SPRED2: variants seen among roughly 807,000 people sequenced by gnomAD.
The protein encoded by SPRED2 is sprouty related EVH1 domain containing 2.
SPRED2 carries 47 observed loss-of-function variants against 43.0 expected under a neutral mutation model. That is an observed-to-expected ratio of 1.09 (90% CI 0.87 to 1.40). SPRED2 has a LOEUF of 1.40. Ranked by LOEUF, SPRED2 falls within the 40% of genes most tolerant of loss-of-function variation. SPRED2 has a pLI of 0.00. For missense variants in SPRED2, 561 were observed against 586.4 expected (o/e 0.96, Z 0.45); for synonymous variants, 225 against 225.7 (o/e 1.00, Z 0.03).
At chr2:65,378,471 A>G (rs1337271945) in intron 1 of SPRED2, among the ~76,000 whole-genome samples, 1 of 152,198 alleles carries the variant, frequency 6.6e-6, no homozygotes, top group African/African-American at 2.4e-5. Flanking sequence ...GGGGCGGAGG[A>G]GACATGAATG....
chr2:65,397,878 G>A (rs541574329), intron 1 of SPRED2, among the ~76,000 whole-genome samples: 1 of 150,626 alleles, frequency 6.6e-6, no homozygotes, highest in South Asian at 2.1e-4. Context: ...CACAGAACTA[G>A]AAAAAAAAAT....
rs554336352 is a variant in SPRED2, at chr2:65,363,927, T to C, written c.27-19031A>G. On this transcript the variant is annotated intron_variant, in intron 1 of 5. Coordinates refer to ENST00000356388, the MANE Select transcript of SPRED2 (RefSeq NM_181784.3). ...TGGGAAAAATTGTTCCACTAAAATA[T>C]CTTGGACACTCTTAACCTTTCAGGA... Among the ~76,000 whole-genome samples, 16 of 152,300 alleles carry C rather than the reference T, an allele frequency of 1.1e-4. No homozygotes were observed. In the South Asian group the frequency reaches 3.3e-3, roughly 32 times the overall value.
At chr2:65,364,256 C>T (rs1208778975) in intron 1 of SPRED2, among the ~76,000 whole-genome samples, 1 of 152,176 alleles carries the variant, frequency 6.6e-6, no homozygotes, top group Non-Finnish European at 1.5e-5. Context: ...AACAATGAAT[C>T]CCCACTAGGG....
intron 1 of SPRED2, among the ~76,000 whole-genome samples, chr2:65,376,803 C>T (rs562584820): frequency 6.6e-6 from 1 of 152,270 alleles, no homozygotes; most frequent in South Asian, 2.1e-4. Context: ...CAAGCTCTGC[C>T]TCCCGGGTTT....
At position 65,312,158 on chromosome 2, in the gene SPRED2, G is replaced by A; in HGVS notation, c.*1343C>T. The A allele has an allele frequency of 1.0e-6, 1 of 985,636 alleles. No homozygotes were observed. The highest frequency in any genetic ancestry group is 1.2e-6 in the Non-Finnish European group (1 of 829,938). The allele number at this position is 985,636 out of a possible 1,614,324, so 61.1% of individuals were successfully genotyped here. A position where few individuals can be genotyped will look rare whatever the true frequency, so the allele number is the denominator to read the frequency against. ...AAAAATACTCTTTTCCAGCTAATTA[G>A]AAGCCTCCTCCGTGGCAAGGCGACA... On this transcript the variant is annotated 3_prime_UTR_variant, in exon 6 of 6. Coordinates refer to ENST00000356388, the MANE Select transcript of SPRED2 (RefSeq NM_181784.3).
At chr2:65,343,114 C>A (rs1382370061) in intron 2 of SPRED2, among the ~76,000 whole-genome samples, 4 of 152,160 alleles carry the variant, frequency 2.6e-5, no homozygotes, top group African/African-American at 4.8e-5. Flanking sequence ...TACAATTATA[C>A]AGGCTGCTGT....
At chr2:65,391,339 A>G (rs1445469402) in intron 1 of SPRED2, among the ~76,000 whole-genome samples, 2 of 152,076 alleles carry the variant, frequency 1.3e-5, no homozygotes, top group Non-Finnish European at 2.9e-5. Context: ...AACAAGAAAA[A>G]CAAGAGTCAT....
intron 1 of SPRED2, among the ~76,000 whole-genome samples, chr2:65,404,439 A>C (rs112648070): frequency 7.2e-5 from 11 of 152,320 alleles, no homozygotes; most frequent in African/African-American, 2.6e-4. Context: ...GTTGTTTCAA[A>C]ATCTCCTCTC....
chr2:65,420,558 G>A lies in SPRED2; in HGVS notation c.26+11404C>T, dbSNP rs996826730. Among the ~76,000 whole-genome samples the A allele has an allele frequency of 2.0e-5, 3 of 152,156 alleles. No individual in the cohort carries two copies. The East Asian group carries it at 5.8e-4, about 29-fold the overall frequency. ...TGCATTTTAACCCTATTCAAATTTG[G>A]GTAAATGGTTTAATATGCATGCTAA... On this transcript the variant is annotated intron_variant, in intron 1 of 5. Coordinates refer to ENST00000356388, the MANE Select transcript of SPRED2 (RefSeq NM_181784.3).
At chr2:65,361,118 A>C (rs1674802943) in intron 1 of SPRED2, among the ~76,000 whole-genome samples, 1 of 152,220 alleles carries the variant, frequency 6.6e-6, no homozygotes. Context: ...TCCCCTAATT[A>C]CAAAAGTAAC....
intron 4 of SPRED2, among the ~76,000 whole-genome samples, chr2:65,322,278 A>C (rs1271871141): frequency 9.8e-4 from 89 of 90,474 alleles, no homozygotes; most frequent in East Asian, 2.1e-3. Flanking sequence ...CTCTATATAT[A>C]TATATATATA....
chr2:65,351,611 C>T (rs913238534), intron 1 of SPRED2, among the ~76,000 whole-genome samples: 2 of 152,148 alleles, frequency 1.3e-5, no homozygotes, highest in East Asian at 1.9e-4. Context: ...AATCACATCC[C>T]CCGCCCCCGG....
At chr2:65,381,299 T>C (rs1371903718) in intron 1 of SPRED2, among the ~76,000 whole-genome samples, 1 of 152,222 alleles carries the variant, frequency 6.6e-6, no homozygotes, top group African/African-American at 2.4e-5. Flanking sequence ...CAAATGCTCA[T>C]GCAGAATGGA....
chr2:65,373,087 T>C (rs1243469162), intron 1 of SPRED2, among the ~76,000 whole-genome samples: 2 of 152,254 alleles, frequency 1.3e-5, no homozygotes, highest in Non-Finnish European at 2.9e-5. Context: ...TTTTTAATCA[T>C]TCTCCTAGGT....
At chr2:65,376,703 C>T (rs1400332000) in intron 1 of SPRED2, among the ~76,000 whole-genome samples, 1 of 152,118 alleles carries the variant, frequency 6.6e-6, no homozygotes, top group Non-Finnish European at 1.5e-5. Flanking sequence ...TGCTGTTTAT[C>T]TCTTCACAGT....
intron 4 of SPRED2, among the ~76,000 whole-genome samples, chr2:65,330,256 A>T (rs368679354): frequency 5.3e-4 from 80 of 152,372 alleles, no homozygotes; most frequent in African/African-American, 1.9e-3. Context: ...CCAGTTGCAA[A>T]CCATGAGTAC....
At chr2:65,366,632 G>A (rs555124691) in intron 1 of SPRED2, 10 of 1,552,778 alleles carry the variant, frequency 6.4e-6, no homozygotes, top group Middle Eastern at 1.7e-4. Flanking sequence ...GAGCCCGAGT[G>A]CTGGGTATTA....
intron 2 of SPRED2, 41 bp downstream of exon 2, chr2:65,344,678 T>A: frequency 6.2e-7 from 1 of 1,606,988 alleles, no homozygotes; most frequent in Non-Finnish European, 8.5e-7. Context: ...AAGAAAGCAG[T>A]TGTTACTAAT....
chr2:65,349,299 ACT>A (rs1163523489), intron 1 of SPRED2, among the ~76,000 whole-genome samples: 3 of 100,848 alleles, frequency 3.0e-5, no homozygotes, highest in Admixed American at 1.5e-4. Flanking sequence ...ACACAGCAAG[ACT>A]CTGTCTCAAA....
Sources: gnomAD v4.1 joint callset for allele counts (sites outside exome capture counted in the v4.1 genomes callset) on GRCh38, gnomAD v4.1.1 for gene constraint, MANE v1.5 for transcripts, NCBI Gene and HGNC (gene_info 2026-07-23, HGNC 2026-07-21) for gene names.